ADAM29: variants seen among roughly 807,000 people sequenced by gnomAD.
The protein encoded by ADAM29 is disintegrin and metalloproteinase domain-containing protein 29.
For missense variants in ADAM29, 969 were observed against 1,001.8 expected, an observed-to-expected ratio of 0.97 and a Z score of 0.44; for synonymous variants, 367 against 342.3, an observed-to-expected ratio of 1.07 and a Z score of -0.80.
chr4:174,954,431 T>G (rs1035017647), intron 4 of ADAM29, among the ~76,000 whole-genome samples: 2 of 152,220 alleles, frequency 1.3e-5, no homozygotes, highest in Non-Finnish European at 2.9e-5. Context: ...AAGGCTAAAA[T>G]TCGTTCTTAT....
At chr4:174,953,021 T>G (rs1002642940) in intron 4 of ADAM29, among the ~76,000 whole-genome samples, 1 of 152,214 alleles carries the variant, frequency 6.6e-6, no homozygotes, top group East Asian at 1.9e-4. Flanking sequence ...GCGCGATGGC[T>G]CACGCCTGTA....
At chr4:174,919,586 T>C (rs11946310) in intron 1 of ADAM29, among the ~76,000 whole-genome samples, 4,419 of 152,226 alleles carry the variant, frequency 0.029, 214 homozygotes, top group African/African-American at 0.1. Context: ...TAGAATTTAG[T>C]TACTTGTGGT....
chr4:174,974,138 C>T (rs893044009), intron 4 of ADAM29, among the ~76,000 whole-genome samples: 3 of 152,184 alleles, frequency 2.0e-5, no homozygotes, highest in African/African-American at 7.2e-5. Flanking sequence ...CTGAAATGGC[C>T]ACTGTGGGTG....
rs111377429 is a variant in ADAM29 at position 174,944,345 on chromosome 4, A to G, written c.-181+7332A>G. 9.4e-3 allele frequency among the ~76,000 whole-genome samples: 1,428 copies of G among 152,246 alleles called. 21 individuals carry two copies. Among genetic ancestry groups the G allele is most frequent in the Non-Finnish European group, 0.013 (883 of 68,008 alleles). Reference sequence around the variant, plus strand: ...AGGAAAGATAGTTTAAAAAAATTAAATTGTTTTTGTAAACTAATAAAATCA... The same window carrying G: ...AGGAAAGATAGTTTAAAAAAATTAAGTTGTTTTTGTAAACTAATAAAATCA... On this transcript the variant is annotated intron_variant, in intron 4 of 4. Transcript: ENST00000359240.
chr4:174,962,889 C>A (rs553680437), intron 4 of ADAM29, among the ~76,000 whole-genome samples: 1 of 151,972 alleles, frequency 6.6e-6, no homozygotes, highest in Non-Finnish European at 1.5e-5. Context: ...GAGTCAAGCA[C>A]GAATTATCAA....
chr4:174,950,204 T>C (rs1284750752), intron 4 of ADAM29, among the ~76,000 whole-genome samples: 2 of 152,210 alleles, frequency 1.3e-5, no homozygotes, highest in Non-Finnish European at 1.5e-5. Context: ...TGCCCATGAT[T>C]TAAATATCAT....
chr4:174,968,369 A>C (rs143978872), intron 4 of ADAM29, among the ~76,000 whole-genome samples: 40 of 152,300 alleles, frequency 2.6e-4, no homozygotes, highest in Middle Eastern at 3.4e-3. Flanking sequence ...CTAGCACTGC[A>C]GCAGGAAGTT....
intron 2 of ADAM29, among the ~76,000 whole-genome samples, chr4:174,926,766 G>A (rs1467580144): frequency 6.7e-6 from 1 of 149,366 alleles, no homozygotes; most frequent in Non-Finnish European, 1.5e-5. Flanking sequence ...ACATAACACT[G>A]TTTCCCCAGT....
Position 174,977,801 on chromosome 4 carries a change from G to C in ADAM29, c.2276G>C (p.Ser759Thr), listed in dbSNP as rs371739717. The change falls in exon 5 of 5, where the codon AGT becomes ACT. Residue 759 changes from serine (S) to threonine (T), a missense_variant. By Grantham distance (58) the Ser-to-Thr change is moderately conservative. Coordinates refer to ENST00000359240, the MANE Select transcript of ADAM29 (RefSeq NM_014269.4). ...CATCCTCAGGTGATGCCTTCCCAGA[G>C]TCAACCTCCTGTGACACCCTCCCAG... ...QSHPQVMPSQ[S>T]QPPVTPSQSQ... 8.8e-6 allele frequency: 14 copies of C among 1,593,500 alleles called. No homozygotes were observed. The highest frequency in any genetic ancestry group is 3.4e-4 in the Middle Eastern group (2 of 5,950).
At chr4:174,928,560 T>A (rs1743657202) in intron 2 of ADAM29, among the ~76,000 whole-genome samples, 1 of 107,550 alleles carries the variant, frequency 9.3e-6, no homozygotes, top group South Asian at 3.3e-4. Context: ...AAATTCCCTG[T>A]CATGTGCTTA....
chr4:174,942,482 T>C (rs753497127), intron 4 of ADAM29, among the ~76,000 whole-genome samples: 20 of 152,074 alleles, frequency 1.3e-4, no homozygotes, highest in Non-Finnish European at 2.4e-4. Context: ...CCCAATACCA[T>C]GTGGAATCTG....
chr4:174,935,591 A>G (rs762295365), intron 3 of ADAM29, among the ~76,000 whole-genome samples: 9 of 152,106 alleles, frequency 5.9e-5, no homozygotes, highest in Non-Finnish European at 1.0e-4. Flanking sequence ...TTTAGGAAGC[A>G]ATATAAAAAT....
chr4:174,951,736 G>T (rs1417194743), intron 4 of ADAM29, among the ~76,000 whole-genome samples: 1 of 152,106 alleles, frequency 6.6e-6, no homozygotes, highest in African/African-American at 2.4e-5. Context: ...TTGTTGAGTG[G>T]CCCTGCGCTC....
chr4:174,948,598 C>T (rs897599132), intron 4 of ADAM29, among the ~76,000 whole-genome samples: 1 of 152,186 alleles, frequency 6.6e-6, no homozygotes, highest in African/African-American at 2.4e-5. Flanking sequence ...GGGCTGCCAA[C>T]CAAAGTGCTT....
intron 4 of ADAM29, among the ~76,000 whole-genome samples, chr4:174,964,087 A>AT (rs1023549660): frequency 6.6e-6 from 1 of 151,938 alleles, no homozygotes; most frequent in African/African-American, 2.4e-5. Context: ...GGATAATAAA[A>AT]TTTTTTTTCT....
chr4:174,936,370 A>G (rs1308674917), intron 3 of ADAM29, among the ~76,000 whole-genome samples: 1 of 151,978 alleles, frequency 6.6e-6, no homozygotes, highest in Non-Finnish European at 1.5e-5. Context: ...CTTAATTTTT[A>G]CTGAACGAAA....
intron 4 of ADAM29, among the ~76,000 whole-genome samples, chr4:174,974,169 C>T (rs138944287): frequency 6.6e-6 from 1 of 152,316 alleles, no homozygotes; most frequent in African/African-American, 2.4e-5. Context: ...CACATGTGTC[C>T]TGACTCCCTG....
chr4:174,975,773 A>T lies in ADAM29; in HGVS notation c.248A>T (p.Tyr83Phe). 1 of 1,614,102 alleles carries T rather than the reference A, an allele frequency of 6.2e-7. No individual in the cohort carries two copies. Among genetic ancestry groups the T allele is most frequent in the Non-Finnish European group, 8.5e-7 (1 of 1,180,002 alleles). Reference protein sequence around the residue: ...LFSKHLPVFTYTDQGAILEDQ... With the variant: ...LFSKHLPVFTFTDQGAILEDQ... ...TCCAAACACCTCCCTGTGTTCACCT[A>T]CACAGACCAGGGTGCTATCCTTGAG... The change falls in exon 5 of 5, where the codon TAC (tyrosine) becomes TTC (phenylalanine). Residue 83 changes from tyrosine (Y) to phenylalanine (F), a missense_variant. Transcript: ENST00000359240.
intron 2 of ADAM29, among the ~76,000 whole-genome samples, chr4:174,930,682 C>G (rs1329065063): frequency 1.3e-5 from 2 of 151,914 alleles, no homozygotes; most frequent in East Asian, 3.9e-4. Context: ...TTAAATGACT[C>G]CTTTTCTCCT....
Sources: gnomAD v4.1 joint callset for allele counts (sites outside exome capture counted in the v4.1 genomes callset) on GRCh38, gnomAD v4.1.1 for gene constraint, MANE v1.5 for transcripts, NCBI Gene and HGNC (gene_info 2026-07-23, HGNC 2026-07-21) for gene names.